Variants in SLC41A3 observed in about 807,000 individuals in gnomAD.
SLC41A3 encodes the protein solute carrier family 41 member 3, also known as SLC41A1-like 2.
Under a neutral mutation model 45.4 loss-of-function variants are expected in SLC41A3, and 44 were observed. That is an observed-to-expected ratio of 0.97 (90% CI 0.76 to 1.25). The LOEUF (loss-of-function observed/expected upper bound fraction) is 1.25. Ranked by LOEUF, SLC41A3 falls within the 50% of genes most tolerant of loss-of-function variation. SLC41A3 has a pLI of 0.00. For synonymous variants in SLC41A3, 256 were observed against 252.4 expected (o/e 1.01, Z -0.13); for missense variants, 550 against 600.6 (o/e 0.92, Z 0.88).
At chr3:126,075,831 CA>C (rs1944855980) in intron 1 of SLC41A3, among the ~76,000 whole-genome samples, 1 of 152,162 alleles carries the variant, frequency 6.6e-6, no homozygotes, top group Non-Finnish European at 1.5e-5. Flanking sequence ...AAAACTAACT[CA>C]AAATGGCTTA....
At chr3:126,038,897 G>C (rs2107802387) in intron 3 of SLC41A3, among the ~76,000 whole-genome samples, 1 of 152,276 alleles carries the variant, frequency 6.6e-6, no homozygotes, top group Admixed American at 6.5e-5. Flanking sequence ...TTGGGTCATG[G>C]GGGTGGATCC....
chr3:126,060,437 G>GATACACACACACACACACACAC (rs764705032), intron 2 of SLC41A3, among the ~76,000 whole-genome samples: 1 of 29,044 alleles, frequency 3.4e-5, no homozygotes, highest in Non-Finnish European at 8.7e-5. Context: ...AAGTGAGAAG[G>GATACACACACACACACACACAC]ATACACACAC....
chr3:126,028,843 T>C (rs768319758), intron 4 of SLC41A3, among the ~76,000 whole-genome samples: 1 of 152,236 alleles, frequency 6.6e-6, no homozygotes, highest in Non-Finnish European at 1.5e-5. Flanking sequence ...ATGTGAGACA[T>C]GGAGTTAAAG....
chr3:126,013,638 C>T (rs1875683), intron 8 of SLC41A3, among the ~76,000 whole-genome samples: 2 of 151,688 alleles, frequency 1.3e-5, no homozygotes, highest in Admixed American at 6.6e-5. Context: ...AGCAAGCATG[C>T]GGCAGGAGAC....
chr3:126,050,532 T>G (rs34633518), intron 3 of SLC41A3, among the ~76,000 whole-genome samples: 2 of 151,970 alleles, frequency 1.3e-5, no homozygotes, highest in Admixed American at 6.6e-5. Flanking sequence ...GAAAGGTTAA[T>G]CTGGGTGACA....
At chr3:126,031,862 A>C (rs1254217561) in intron 4 of SLC41A3, among the ~76,000 whole-genome samples, 1 of 152,112 alleles carries the variant, frequency 6.6e-6, no homozygotes, top group African/African-American at 2.4e-5. Context: ...ATCTCATTCA[A>C]CTCTGCAGTT....
chr3:126,067,916 C>T (rs776356045), intron 2 of SLC41A3, 31 bp downstream of exon 2: 3 of 1,549,998 alleles, frequency 1.9e-6, no homozygotes, highest in Non-Finnish European at 1.7e-6. Flanking sequence ...GGCAGTGCCC[C>T]GCTCCCTGTC....
chr3:126,052,420 C>T (rs1943392487), intron 2 of SLC41A3, among the ~76,000 whole-genome samples: 1 of 151,044 alleles, frequency 6.6e-6, no homozygotes, highest in African/African-American at 2.4e-5. Context: ...TCTGTCTATA[C>T]CCAAGACCCG....
chr3:126,074,925 A>G (rs13070157), intron 1 of SLC41A3, among the ~76,000 whole-genome samples: 48,013 of 146,840 alleles, frequency 0.33, 7,861 homozygotes, highest in African/African-American at 0.36. Flanking sequence ...TGATCCTCCC[A>G]CCTCAGCCTC....
chr3:126,059,307 A>AAAGAAAGAAAGAAAGAAAGGAAGGAAGG lies in SLC41A3; in HGVS notation c.274-8258_274-8257insCCTTCCTTCCTTTCTTTCTTTCTTTCTT, dbSNP rs1559870097. On this transcript the variant is annotated intron_variant, in intron 2 of 10. Transcript: ENST00000360370. Reference sequence around the variant, plus strand: ...GAAAGAAAGAAAGAAAGAAAGAAAGAAAGGAAGGATGATCTGTGATAAGTG... The same window carrying AAAGAAAGAAAGAAAGAAAGGAAGGAAGG: ...GAAAGAAAGAAAGAAAGAAAGAAAGAAAGAAAGAAAGAAAGAAAGGAAGGAAGGAAGGAAGGATGATCTGTGATAAGTG... Among the ~76,000 whole-genome samples the AAAGAAAGAAAGAAAGAAAGGAAGGAAGG allele has an allele frequency of 3.4e-4, 20 of 59,434 alleles. 2 individuals are homozygous for AAAGAAAGAAAGAAAGAAAGGAAGGAAGG. The highest frequency in any genetic ancestry group is 1.0e-3 in the African/African-American group (14 of 13,814). 39.0% of individuals were successfully genotyped at this position (59,434 alleles called of 152,430 possible).
chr3:126,080,595 A>G (rs1270412665), intron 1 of SLC41A3, among the ~76,000 whole-genome samples: 1 of 152,226 alleles, frequency 6.6e-6, no homozygotes, highest in Non-Finnish European at 1.5e-5. Context: ...TTCCTCGTAC[A>G]CTGTTAGTGG....
At position 126,012,705 on chromosome 3, in the gene SLC41A3, T is replaced by C. The variant is rs1314347409; in HGVS notation, c.1015A>G (p.Thr339Ala). ...LVAIQTSRIS[T>A]YLHMWSAPGV... is the part of the protein sequence containing the mutation. ...GGTGCACTCCACATGTGCAGGTAGG[T>C]TGAGATTCGGCTGGTCTGAATGGCC... Residue 339 changes from threonine to alanine, a missense_variant, in exon 9 of 11, where the codon ACC (threonine) becomes GCC (alanine). Thr to Ala is a moderately conservative substitution (Grantham distance 58). Transcript: ENST00000360370. 6.2e-7 allele frequency: 1 copy of C among 1,614,086 alleles called. No individual in the cohort carries two copies. The highest frequency in any genetic ancestry group is 8.5e-7 in the Non-Finnish European group (1 of 1,180,050).
intron 3 of SLC41A3, among the ~76,000 whole-genome samples, chr3:126,036,670 T>C (rs879667333): frequency 2.6e-5 from 4 of 152,180 alleles, no homozygotes; most frequent in Non-Finnish European, 5.9e-5. Flanking sequence ...CCCACCTGTA[T>C]ATCACCTCTC....
chr3:126,006,581 G>A lies in SLC41A3; in HGVS notation c.*435C>T. On this transcript the variant is annotated 3_prime_UTR_variant, in exon 11 of 11. Transcript: ENST00000360370. The stretch of plus-strand genomic sequence containing the variant: ...AGCTTGAACCTGGTGAAGACAGCAA[G>A]TAAGCCACAGCTCAAGAGTTCTGAG... 6.3e-7 allele frequency: 1 copy of A among 1,588,670 alleles called. No homozygotes were observed. The highest frequency in any genetic ancestry group is 8.5e-7 in the Non-Finnish European group (1 of 1,173,132).
intron 1 of SLC41A3, among the ~76,000 whole-genome samples, chr3:126,072,494 A>G (rs186202166): frequency 1.3e-5 from 2 of 152,344 alleles, no homozygotes; most frequent in East Asian, 3.9e-4. Context: ...TTAAATTAGG[A>G]ATGAAAGAGG....
intron 1 of SLC41A3, among the ~76,000 whole-genome samples, chr3:126,082,612 T>C (rs1473135328): frequency 6.6e-6 from 1 of 151,874 alleles, no homozygotes; most frequent in Non-Finnish European, 1.5e-5. Context: ...GGTTGGGGGG[T>C]ATCCGCCCCC....
intron 1 of SLC41A3, among the ~76,000 whole-genome samples, chr3:126,098,754 C>T (rs1239901365): frequency 1.3e-5 from 2 of 152,074 alleles, no homozygotes; most frequent in Admixed American, 1.3e-4. Context: ...AGCCAGTCTC[C>T]ATCTTTCCCA....
At chr3:126,017,684 C>T (rs1404388875) in intron 6 of SLC41A3, among the ~76,000 whole-genome samples, 2 of 152,216 alleles carry the variant, frequency 1.3e-5, no homozygotes, top group Non-Finnish European at 2.9e-5. Context: ...AGGGCAGGCT[C>T]ACCTGCCAAG....
At chr3:126,080,077 G>C (rs1368831579) in intron 1 of SLC41A3, among the ~76,000 whole-genome samples, 1 of 152,122 alleles carries the variant, frequency 6.6e-6, no homozygotes. Context: ...CATCAAAACA[G>C]ATTAAAGGCT....
Sources: allele counts gnomAD v4.1 joint callset (sites outside exome capture counted in the v4.1 genomes callset), GRCh38; gene constraint gnomAD v4.1.1; transcripts MANE v1.5; gene names NCBI Gene and HGNC (gene_info 2026-07-23, HGNC 2026-07-21).